The following LDLRAD3 variants were observed in gnomAD, a reference collection of about 807,000 sequenced individuals.
LDLRAD3 encodes the protein low density lipoprotein receptor class A domain containing 3.
A neutral mutation model predicts 29.4 loss-of-function variants in LDLRAD3; 20 were observed. That is an observed-to-expected ratio of 0.68 (90% confidence interval 0.48 to 0.99). The LOEUF (loss-of-function observed/expected upper bound fraction) is 0.99, where lower values mean the gene tolerates loss of function less well. Ranked by LOEUF, LDLRAD3 falls within the 50% of genes least tolerant of loss-of-function variation. The pLI is 0.00. For missense variants in LDLRAD3, 420 were observed against 454.3 expected (o/e 0.92, Z 0.69); for synonymous variants, 157 against 192.7 (o/e 0.81, Z 1.53).
chr11:36,068,786 GA>G (rs1852841576), intron 2 of LDLRAD3, among the ~76,000 whole-genome samples: 1 of 152,174 alleles, frequency 6.6e-6, no homozygotes. Context: ...CAAGTGCTGG[GA>G]TTACAGGCGT....
chr11:36,199,617 T>C lies in LDLRAD3; in HGVS notation c.455-27468T>C, dbSNP rs543938739. Among the ~76,000 whole-genome samples, 84 of 148,510 alleles carry C rather than the reference T, an allele frequency of 5.7e-4. 1 individual carries two copies. Among genetic ancestry groups the C allele is most frequent in the African/African-American group, 1.6e-3 (66 of 40,246 alleles). On this transcript the variant is annotated intron_variant, in intron 4 of 5. Transcript: ENST00000315571. ...CGCACGCGTGCGCGCACACGCTTTCTGGCTCATTCCAGGTGGATTGACAGC... is the reference window on the plus strand; with the variant it reads ...CGCACGCGTGCGCGCACACGCTTTCCGGCTCATTCCAGGTGGATTGACAGC...
chr11:36,033,600 G>T (rs1852267291), intron 1 of LDLRAD3, among the ~76,000 whole-genome samples: 1 of 152,208 alleles, frequency 6.6e-6, no homozygotes, highest in South Asian at 2.1e-4. Context: ...AAAGCAGAAT[G>T]ACCCTTACAT....
chr11:36,003,542 G>T (rs1469671908), intron 1 of LDLRAD3, among the ~76,000 whole-genome samples: 3 of 152,046 alleles, frequency 2.0e-5, no homozygotes, highest in African/African-American at 7.3e-5. Flanking sequence ...TTTTGTCCCT[G>T]TTCTAAAGAG....
In LDLRAD3 at chr11:36,043,388, TC is replaced by T. The variant is rs1590222860; in HGVS notation, c.193+7141del. 2.0e-5 allele frequency among the ~76,000 whole-genome samples: 3 copies of T among 152,356 alleles called. No individual in the cohort carries two copies. In the East Asian group the frequency reaches 5.8e-4, roughly 29 times the overall value. On this transcript the variant is annotated intron_variant, in intron 2 of 5. Transcript: ENST00000315571. Reference sequence around the variant, plus strand: ...TCTAACAGGCTGACGTCTGCAGACATCCTGCTTTCATTTTTTTCCTTTAACA... The same window carrying T: ...TCTAACAGGCTGACGTCTGCAGACATCTGCTTTCATTTTTTTCCTTTAACA...
intron 1 of LDLRAD3, chr11:35,968,071 CT>C: frequency 4.4e-6 from 2 of 457,626 alleles, no homozygotes; most frequent in Non-Finnish European, 8.7e-6. Flanking sequence ...TCCGAGCATT[CT>C]TTTTTATAGT....
chr11:35,985,157 C>G (rs934842530), intron 1 of LDLRAD3, among the ~76,000 whole-genome samples: 7 of 152,136 alleles, frequency 4.6e-5, no homozygotes, highest in Admixed American at 2.0e-4. Context: ...TCTCGAACTC[C>G]TGGCTTCACG....
At chr11:35,971,180 C>G (rs1269443908) in intron 1 of LDLRAD3, among the ~76,000 whole-genome samples, 1 of 152,136 alleles carries the variant, frequency 6.6e-6, no homozygotes, top group Non-Finnish European at 1.5e-5. Context: ...ACTCCCACCC[C>G]TGCCTACACT....
In LDLRAD3 at chr11:36,189,431, C is replaced by A. The variant is rs149543975; in HGVS notation, c.455-37654C>A. 9.8e-3 allele frequency among the ~76,000 whole-genome samples: 1,485 copies of A among 152,092 alleles called. 28 individuals carry two copies. Among genetic ancestry groups the A allele is most frequent in the African/African-American group, 0.034 (1,419 of 41,478 alleles). On this transcript the variant is annotated intron_variant, in intron 4 of 5. Transcript: ENST00000315571. ...CCCGAGAGGCGGAGGTTGCAGTGAG[C>A]CGAGATTGTGCCACTGCACTCCAGC...
At chr11:35,959,321 A>G (rs923226905) in intron 1 of LDLRAD3, among the ~76,000 whole-genome samples, 2 of 151,876 alleles carry the variant, frequency 1.3e-5, no homozygotes, top group African/African-American at 4.8e-5. Context: ...CCCATCTTCA[A>G]CTCCCAATCA....
chr11:36,204,857 A>T (rs1855183632), intron 4 of LDLRAD3, among the ~76,000 whole-genome samples: 1 of 152,054 alleles, frequency 6.6e-6, no homozygotes, highest in African/African-American at 2.4e-5. Context: ...CTAAGCTATC[A>T]TTTCAGTATT....
At chr11:36,043,247 G>A (rs1304849375) in intron 2 of LDLRAD3, among the ~76,000 whole-genome samples, 2 of 152,210 alleles carry the variant, frequency 1.3e-5, no homozygotes, top group Non-Finnish European at 2.9e-5. Flanking sequence ...GGGAGGTGGA[G>A]GTTGCAGTGA....
intron 4 of LDLRAD3, among the ~76,000 whole-genome samples, chr11:36,150,496 C>G (rs936220303): frequency 1.3e-5 from 2 of 151,970 alleles, no homozygotes; most frequent in Non-Finnish European, 2.9e-5. Flanking sequence ...CCAGTGCACT[C>G]CAGCGTGGGT....
intron 4 of LDLRAD3, chr11:36,184,075 C>T (rs1340071732): frequency 3.9e-6 from 1 of 255,798 alleles, no homozygotes; most frequent in South Asian, 3.4e-5. Context: ...AAGTGATTCT[C>T]CTGCCTCAGC....
chr11:36,036,056 G>A (rs1218701771), intron 1 of LDLRAD3, 47 bp from the exon 2 acceptor site: 1 of 1,591,720 alleles, frequency 6.3e-7, no homozygotes. Context: ...GGGCGCTGAG[G>A]TCCCTGCTGT....
intron 4 of LDLRAD3, among the ~76,000 whole-genome samples, chr11:36,111,524 C>G (rs1853605101): frequency 6.6e-6 from 1 of 152,076 alleles, no homozygotes; most frequent in South Asian, 2.1e-4. Flanking sequence ...CCAAGTACTC[C>G]AAGCAGCTCT....
intron 4 of LDLRAD3, among the ~76,000 whole-genome samples, chr11:36,181,424 G>T (rs756858035): frequency 6.6e-6 from 1 of 152,092 alleles, no homozygotes; most frequent in Non-Finnish European, 1.5e-5. Flanking sequence ...TGAAATGTAG[G>T]TAGCTTTATT....
At chr11:36,155,474 C>T (rs1459304786) in intron 4 of LDLRAD3, among the ~76,000 whole-genome samples, 1 of 152,228 alleles carries the variant, frequency 6.6e-6, no homozygotes, top group Non-Finnish European at 1.5e-5. Flanking sequence ...CCCAGCTCAT[C>T]TTTGCTCCCT....
rs752803367 is a variant in LDLRAD3 at position 36,227,285 on chromosome 11, C to T, written c.655C>T (p.Arg219Cys). 2.8e-5 allele frequency: 45 copies of T among 1,613,864 alleles called. No individual in the cohort carries two copies. The highest frequency in any genetic ancestry group is 3.6e-5 in the Non-Finnish European group (42 of 1,179,976). Reference sequence around the variant, plus strand: ...GCTGCAGCACCCTGTGCTGCTGTCCCGCCTGGTGGTCCTGGACCACCCCCA... The same window carrying T: ...GCTGCAGCACCCTGTGCTGCTGTCCTGCCTGGTGGTCCTGGACCACCCCCA... ...HRLQHPVLLS[R>C]LVVLDHPHHC... Residue 219 changes from arginine to cysteine, a missense_variant, in exon 5 of 6, where the codon CGC becomes TGC. By Grantham distance (180) the Arg-to-Cys change is radical. Around this residue, in one of 3 missense-constraint regions of LDLRAD3, gnomAD observed 56 missense variants for 92.2 expected, o/e 0.61. Coordinates refer to ENST00000315571, the MANE Select transcript of LDLRAD3 (RefSeq NM_174902.4).
At chr11:36,000,764 G>T (rs1296842374) in intron 1 of LDLRAD3, among the ~76,000 whole-genome samples, 1 of 152,070 alleles carries the variant, frequency 6.6e-6, no homozygotes, top group African/African-American at 2.4e-5. Flanking sequence ...ACATGGAGAT[G>T]GTGACATGAC....
Sources: gnomAD v4.1 joint callset for allele counts (sites outside exome capture counted in the v4.1 genomes callset) on GRCh38, gnomAD v4.1.1 for gene constraint, gnomAD v4.1.1 regional missense constraint, MANE v1.5 for transcripts, NCBI Gene and HGNC (gene_info 2026-07-23, HGNC 2026-07-21) for gene names.